OTOP2: variants seen among roughly 807,000 people sequenced by gnomAD.
The protein encoded by OTOP2 is proton channel OTOP2.
Under a neutral mutation model 47.4 loss-of-function variants are expected in OTOP2, and 41 were observed. The ratio of observed to expected loss-of-function variants is 0.87; its 90% CI spans 0.67 to 1.12. OTOP2 has a LOEUF of 1.12. Among genes scored for constraint, OTOP2 ranks in the 50% most tolerant of loss-of-function variants. The pLI, the probability that OTOP2 is intolerant of heterozygous loss-of-function variation, is 0.00. For missense variants in OTOP2, 721 were observed against 752.2 expected (o/e 0.96, Z 0.49); for synonymous variants, 328 against 319.6 (o/e 1.03, Z -0.28).
At chr17:74,928,883 A>G (rs563831259) in intron 5 of OTOP2, among the ~76,000 whole-genome samples, 1 of 152,256 alleles carries the variant, frequency 6.6e-6, no homozygotes, top group South Asian at 2.1e-4. Flanking sequence ...GGGAGACCCC[A>G]GCCCAGCAAG....
At position 74,933,016 on chromosome 17, in the gene OTOP2, C is replaced by A. The variant is rs1380589975; in HGVS notation, c.1519-359C>A. Among the ~76,000 whole-genome samples, 1 of 151,844 alleles carries A rather than the reference C, an allele frequency of 6.6e-6. No individual in the cohort carries two copies. Among genetic ancestry groups the A allele is most frequent in the East Asian group, 1.9e-4 (1 of 5,154 alleles). The stretch of plus-strand genomic sequence containing the variant: ...CCACCCCCACCCCTGTGCACAAAAC[C>A]CCCCAGGACAGAGCTGCTGATTTCA... On this transcript the variant is annotated intron_variant, in intron 6 of 6. Coordinates refer to ENST00000331427, the MANE Select transcript of OTOP2 (RefSeq NM_178160.3). The surrounding 1 kb of genome is among the most constrained non-coding windows in gnomAD (Gnocchi z 4.7).
chr17:74,927,461 G>A, intron 4 of OTOP2, 180 bp downstream of exon 4: 1 of 1,020,754 alleles, frequency 9.8e-7, no homozygotes, highest in Non-Finnish European at 1.5e-6. Context: ...TCTCCCAGGG[G>A]AGGGAGTGGT....
At chr17:74,932,203 T>C (rs1204477975) in intron 6 of OTOP2, among the ~76,000 whole-genome samples, 1 of 152,088 alleles carries the variant, frequency 6.6e-6, no homozygotes, top group Non-Finnish European at 1.5e-5. Context: ...TTTCACTCAA[T>C]AGAAAAACAA....
At chr17:74,928,170 C>T (rs2039026916) in intron 5 of OTOP2, 1 of 176,438 alleles carries the variant, frequency 5.7e-6, no homozygotes, top group Non-Finnish European at 1.2e-5. Context: ...TGATGAAACC[C>T]CGTCTCTACA....
Position 74,933,450 on chromosome 17 carries a change from C to A in OTOP2, c.1594C>A (p.Leu532Ile). 1 of 1,614,210 alleles carries A rather than the reference C, an allele frequency of 6.2e-7. No individual in the cohort carries two copies. The highest frequency in any genetic ancestry group is 8.5e-7 in the Non-Finnish European group (1 of 1,180,016). Residue 532 changes from leucine to isoleucine, a missense_variant, in exon 7 of 7, where the codon CTC becomes ATC. Transcript: ENST00000331427. The surrounding 1 kb of genome is among the most constrained non-coding windows in gnomAD (Gnocchi z 4.7). ...GGAGGTGGATTTCTACGGCTACTCCCTCTGGGCGGTCATCGTCAACATCTG... is the reference window on the plus strand; with the variant it reads ...GGAGGTGGATTTCTACGGCTACTCCATCTGGGCGGTCATCGTCAACATCTG... Reference protein sequence around the residue: ...TVEVDFYGYSLWAVIVNICLP... With the variant: ...TVEVDFYGYSIWAVIVNICLP...
rs774629354 is a variant in OTOP2 at position 74,924,815 on chromosome 17, C to T, written c.183C>T (p.Asp61=). Residue 61 remains aspartate (D), a synonymous_variant, in exon 2 of 7, where the codon GAC becomes GAT. Coordinates refer to ENST00000331427, the MANE Select transcript of OTOP2 (RefSeq NM_178160.3). The surrounding 1 kb of genome is among the most constrained non-coding windows in gnomAD (Gnocchi z 7.7). ...ACAAGGTGGCCGTGTACGACACCGACGTGTTCGCGCTGCTCACTGCGATGA... is the reference window on the plus strand; with the variant it reads ...ACAAGGTGGCCGTGTACGACACCGATGTGTTCGCGCTGCTCACTGCGATGA... The part of the protein sequence containing the change: ...AFNKVAVYDT[D]VFALLTAMML... The T allele has an allele frequency of 5.6e-6, 9 of 1,611,622 alleles. No homozygotes were observed. The East Asian group carries it at 1.1e-4, about 20-fold the overall frequency.
intron 6 of OTOP2, among the ~76,000 whole-genome samples, chr17:74,931,831 C>T (rs992926669): frequency 6.6e-6 from 1 of 151,716 alleles, no homozygotes; most frequent in Non-Finnish European, 1.5e-5. Context: ...TGTGCGCACC[C>T]TATAATCTCA....
Position 74,924,626 on chromosome 17 carries a change from C to T in OTOP2, c.-7C>T, listed in dbSNP as rs749163676. 6.4e-7 allele frequency: 1 copy of T among 1,560,544 alleles called. No homozygotes were observed. Among genetic ancestry groups the T allele is most frequent in the South Asian group, 1.2e-5 (1 of 84,284 alleles). On this transcript the variant is annotated 5_prime_UTR_variant, in exon 2 of 7. Coordinates refer to ENST00000331427, the MANE Select transcript of OTOP2 (RefSeq NM_178160.3). This position sits in a 1 kb window ranked among gnomAD's most constrained non-coding sequence, Gnocchi z 7.7. Reference sequence around the variant, plus strand: ...GATCCCTCTAGCCTTCTCCAGTCGCCTCCGCCATGTCCGAGGAGCTGGCCC... The same window carrying T: ...GATCCCTCTAGCCTTCTCCAGTCGCTTCCGCCATGTCCGAGGAGCTGGCCC...
Position 74,930,019 on chromosome 17 carries a change from C to A in OTOP2, c.644-260C>A, listed in dbSNP as rs568382293. Among the ~76,000 whole-genome samples, 2 of 152,214 alleles carry A rather than the reference C, an allele frequency of 1.3e-5. No homozygotes were observed. Among genetic ancestry groups the A allele is most frequent in the South Asian group, 4.1e-4 (2 of 4,826 alleles). ...CCAACATGGCGAAACCCTGTCTCTA[C>A]TAAAAATATAAAAATTAGCCAGGTG... On this transcript the variant is annotated intron_variant, in intron 5 of 6. Transcript: ENST00000331427. The surrounding 1 kb of genome is among the most constrained non-coding windows in gnomAD (Gnocchi z 4.0).
chr17:74,925,332 C>CA (rs1339366157), intron 2 of OTOP2, among the ~76,000 whole-genome samples: 1 of 152,082 alleles, frequency 6.6e-6, no homozygotes, highest in East Asian at 1.9e-4. Context: ...TCCACCCACT[C>CA]AGTCATACAC....
chr17:74,927,666 T>C lies in OTOP2; in HGVS notation c.511T>C (p.Cys171Arg), dbSNP rs201671712. The change falls in exon 5 of 7, where the codon TGT becomes CGT. Residue 171 changes from cysteine to arginine, a missense_variant and splice_region_variant. Physicochemically the swap from Cys to Arg is radical, Grantham distance 180. Transcript: ENST00000331427. ...CVHVHLDLTW[C>R]GLMFTLTTNL... ...GTCCCCACCCCTGACCCCAAACAGGTGTGGTCTCATGTTCACACTCACCAC... is the reference window on the plus strand; with the variant it reads ...GTCCCCACCCCTGACCCCAAACAGGCGTGGTCTCATGTTCACACTCACCAC... The C allele has an allele frequency of 3.7e-6, 6 of 1,613,190 alleles. No homozygotes were observed. The highest frequency in any genetic ancestry group is 1.7e-5 in the Admixed American group (1 of 59,894).
At chr17:74,928,587 CA>C (rs2039030314) in intron 5 of OTOP2, among the ~76,000 whole-genome samples, 1 of 152,216 alleles carries the variant, frequency 6.6e-6, no homozygotes, top group Admixed American at 6.5e-5. Flanking sequence ...ATTTAACCCT[CA>C]ACACTTCCCT....
Position 74,927,638 on chromosome 17 carries a change from T to A in OTOP2, c.510-27T>A, listed in dbSNP as rs376553258. The A allele has an allele frequency of 3.9e-4, 618 of 1,600,714 alleles. 1 individual carries two copies. The highest frequency in any genetic ancestry group is 5.1e-4 in the Non-Finnish European group (602 of 1,172,650). ...AACCTGCCAAAGGGTCACAGGCCTCTTTGTCCCCACCCCTGACCCCAAACA... is the reference window on the plus strand; with the variant it reads ...AACCTGCCAAAGGGTCACAGGCCTCATTGTCCCCACCCCTGACCCCAAACA... On this transcript the variant is annotated intron_variant, in intron 4 of 6. Transcript: ENST00000331427.
rs538814402 is a variant in OTOP2 at position 74,932,831 on chromosome 17, T to C, written c.1519-544T>C. ...CCCACACCTGAATCTTCTGAGCTCC[T>C]AGCCAGAGAGGAAGCAGGATTCCAA... On this transcript the variant is annotated intron_variant, in intron 6 of 6. Coordinates refer to ENST00000331427, the MANE Select transcript of OTOP2 (RefSeq NM_178160.3). Among the ~76,000 whole-genome samples the C allele has an allele frequency of 1.5e-4, 23 of 152,286 alleles. No individual in the cohort carries two copies. The South Asian group carries it at 3.5e-3, about 23-fold the overall frequency.
At position 74,925,589 on chromosome 17, in the gene OTOP2, T is replaced by C; in HGVS notation, c.347T>C (p.Ile116Thr). 1 of 1,614,078 alleles carries C rather than the reference T, an allele frequency of 6.2e-7. No homozygotes were observed. Among genetic ancestry groups the C allele is most frequent in the South Asian group, 1.1e-5 (1 of 91,074 alleles). The change falls in exon 3 of 7, where the codon ATC (isoleucine) becomes ACC (threonine). Residue 116 changes from isoleucine to threonine, a missense_variant. By Grantham distance (89) the Ile-to-Thr change is moderately conservative. Coordinates refer to ENST00000331427, the MANE Select transcript of OTOP2 (RefSeq NM_178160.3). ...GTGCTGTTTGGAATCTGCACCCTCA[T>C]CATGGATGTCTTCAAGACCGGCTAC... ...GLVLFGICTL[I>T]MDVFKTGYYS...
chr17:74,929,777 G>T (rs1178726377), intron 5 of OTOP2, among the ~76,000 whole-genome samples: 1 of 152,224 alleles, frequency 6.6e-6, no homozygotes, highest in Non-Finnish European at 1.5e-5. Flanking sequence ...CACACAGTAG[G>T]TGCTCAAGAA....
chr17:74,933,549 C>G lies in OTOP2; in HGVS notation c.*4C>G. ...GGAGGTCTACGTGCTGTCCTGAGGC[C>G]TCCAACAGAGGCATGGGGGGCAGGA... On this transcript the variant is annotated 3_prime_UTR_variant, in exon 7 of 7. Transcript: ENST00000331427. The surrounding 1 kb of genome is among the most constrained non-coding windows in gnomAD (Gnocchi z 4.7). 1 of 1,584,328 alleles carries G rather than the reference C, an allele frequency of 6.3e-7. No individual in the cohort carries two copies. Among genetic ancestry groups the G allele is most frequent in the Non-Finnish European group, 8.6e-7 (1 of 1,157,818 alleles).
chr17:74,928,086 T>C (rs1200635379), intron 5 of OTOP2: 2 of 386,156 alleles, frequency 5.2e-6, no homozygotes, highest in Non-Finnish European at 9.3e-6. Context: ...CTCATGCTTG[T>C]AATCCTAGCA....
Position 74,933,680 on chromosome 17 carries a change from CAA to C in OTOP2, c.*138_*139del. ...TTCTGGTCCCAGAGTGGAATTTTCA[CAA>C]AAGTTATTTTTCCAGGTTCAATTTT... On this transcript the variant is annotated 3_prime_UTR_variant, in exon 7 of 7. Transcript: ENST00000331427. This position sits in a 1 kb window ranked among gnomAD's most constrained non-coding sequence, Gnocchi z 4.7. The C allele has an allele frequency of 1.8e-6, 2 of 1,100,008 alleles. No homozygotes were observed. The highest frequency in any genetic ancestry group is 1.2e-6 in the Non-Finnish European group (1 of 804,930). 68.1% of individuals were successfully genotyped at this position (1,100,008 alleles called of 1,614,324 possible).
Sources: allele counts gnomAD v4.1 joint callset (sites outside exome capture counted in the v4.1 genomes callset), GRCh38; gene constraint gnomAD v4.1.1; non-coding constraint Gnocchi (gnomAD v3.1); transcripts MANE v1.5; gene names NCBI Gene and HGNC (gene_info 2026-07-23, HGNC 2026-07-21).